Variants in DNAH7 observed in about 807,000 individuals in gnomAD.
DNAH7 encodes the protein axonemal beta dynein heavy chain 7.
A neutral mutation model predicts 444.6 loss-of-function variants in DNAH7; 397 were observed. That is an observed-to-expected ratio of 0.89 (90% CI 0.82 to 0.97). DNAH7 has a LOEUF of 0.97. Ranked by LOEUF, DNAH7 falls within the 50% of genes least tolerant of loss-of-function variation. The pLI is 0.00. For synonymous variants in DNAH7, 1,636 were observed against 1,624.4 expected (o/e 1.01, Z -0.17); for missense variants, 4,902 against 4,800.8 (o/e 1.02, Z -0.62).
At chr2:195,828,701 T>C (rs1697914409) in intron 48 of DNAH7, among the ~76,000 whole-genome samples, 1 of 151,664 alleles carries the variant, frequency 6.6e-6, no homozygotes, top group African/African-American at 2.4e-5. Flanking sequence ...CTTTTTTTCT[T>C]TCGTATTTAA....
intron 38 of DNAH7, 79 bp downstream of exon 38, chr2:195,875,596 G>A (rs1701002385): frequency 1.5e-6 from 2 of 1,365,998 alleles, no homozygotes; most frequent in South Asian, 1.5e-5. Context: ...ACTCAAAAGA[G>A]GATTTTTTTC....
chr2:195,829,534 C>A (rs1271204020), intron 48 of DNAH7, among the ~76,000 whole-genome samples: 1 of 152,000 alleles, frequency 6.6e-6, no homozygotes, highest in African/African-American at 2.4e-5. Context: ...TTTGCTCAAC[C>A]ATTTTGAACC....
In DNAH7 at chr2:195,972,254, T is replaced by C. The variant is rs184493933; in HGVS notation, c.2046A>G (p.Gln682=). The change falls in exon 16 of 65, where the codon CAA becomes CAG. Residue 682 remains glutamine (Q), a synonymous_variant. Transcript: ENST00000312428. ...KIIKEKIEQY[Q]EGLKLRCERF... ...CTAAGATGCCAACCTTCAGACCTTC[T>C]TGATATTGTTCTATTTTCTCTTTAA... The C allele has an allele frequency of 2.2e-3, 3,525 of 1,613,432 alleles. 5 individuals carry two copies. The highest frequency in any genetic ancestry group is 2.7e-3 in the Non-Finnish European group (3,235 of 1,179,448).
chr2:195,886,043 C>T (rs978041352), intron 34 of DNAH7, 98 bp downstream of exon 34: 1 of 1,417,484 alleles, frequency 7.1e-7, no homozygotes, highest in East Asian at 2.4e-5. Context: ...TAGTCTCCAA[C>T]TTCAGGGGCA....
At chr2:195,838,234 C>CA (rs900565803) in intron 47 of DNAH7, among the ~76,000 whole-genome samples, 6 of 151,924 alleles carry the variant, frequency 3.9e-5, no homozygotes, top group African/African-American at 1.5e-4. Context: ...ACTGCTAAAC[C>CA]AAAAAATCAA....
At chr2:195,938,204 A>C (rs1689179722) in intron 19 of DNAH7, among the ~76,000 whole-genome samples, 1 of 152,114 alleles carries the variant, frequency 6.6e-6, no homozygotes, top group Non-Finnish European at 1.5e-5. Context: ...AATCAAAGAA[A>C]ATAATTATCA....
Position 195,817,733 on chromosome 2 carries a change from T to C in DNAH7, c.9388A>G (p.Lys3130Glu), listed in dbSNP as rs777644560. The part of the protein sequence containing the change: ...AQERPDLEEE[K>E]QALILQGAEN... ...GCTCCTTGTAATATCAAGGCTTGCT[T>C]TTCTTCTTCAAGGTCTGGCCTTTCT... is the stretch of plus-strand genomic sequence containing the variant. Residue 3130 changes from lysine to glutamate, a missense_variant, in exon 50 of 65, where the codon AAG (lysine) becomes GAG (glutamate). Transcript: ENST00000312428. 7 of 1,613,066 alleles carry C rather than the reference T, an allele frequency of 4.3e-6. No homozygotes were observed. The South Asian group carries it at 5.5e-5, about 13-fold the overall frequency.
At chr2:196,048,195 T>C in intron 4 of DNAH7, 101 bp downstream of exon 4, 1 of 1,007,976 alleles carries the variant, frequency 9.9e-7, no homozygotes, top group South Asian at 2.3e-5. Context: ...GACATTAATG[T>C]CATTCAGGTT....
chr2:195,997,254 T>TTTA (rs1464629660), intron 12 of DNAH7, among the ~76,000 whole-genome samples: 1 of 152,202 alleles, frequency 6.6e-6, no homozygotes, highest in Non-Finnish European at 1.5e-5. Context: ...GGCTCATGCC[T>TTTA]GTAATCCCAG....
intron 19 of DNAH7, among the ~76,000 whole-genome samples, chr2:195,952,959 C>T (rs1690368855): frequency 6.6e-6 from 1 of 152,110 alleles, no homozygotes; most frequent in African/African-American, 2.4e-5. Flanking sequence ...ATTCTCGGTC[C>T]AGTGTTGTTC....
intron 5 of DNAH7, among the ~76,000 whole-genome samples, chr2:196,028,852 A>G (rs1247508777): frequency 6.6e-6 from 1 of 152,208 alleles, no homozygotes; most frequent in Admixed American, 6.5e-5. Context: ...TTCATTGAGT[A>G]TATCTGAGAT....
At chr2:195,961,588 C>T (rs1307746948) in intron 17 of DNAH7, among the ~76,000 whole-genome samples, 1 of 152,176 alleles carries the variant, frequency 6.6e-6, no homozygotes, top group East Asian at 1.9e-4. Context: ...TTTATTCCCC[C>T]TCTAAGGCTG....
intron 56 of DNAH7, among the ~76,000 whole-genome samples, chr2:195,796,037 T>C (rs934689378): frequency 6.6e-6 from 1 of 152,162 alleles, no homozygotes; most frequent in Non-Finnish European, 1.5e-5. Flanking sequence ...GGAGTTTTTT[T>C]CCTGGAATTT....
chr2:195,857,403 C>T lies in DNAH7; in HGVS notation c.8388G>A (p.Trp2796Ter). Residue 2796 changes from tryptophan (W) to a stop codon, truncating the protein, a stop_gained, in exon 44 of 65, where the codon TGG becomes TGA. Coordinates refer to ENST00000312428, the MANE Select transcript of DNAH7 (RefSeq NM_018897.3). LOFTEE classifies it high-confidence loss of function. The stretch of plus-strand genomic sequence containing the variant: ...TATCATATGAATCCATTGCTATGAC[C>T]CATTTGCACAGACCTTCGGCCGCTG... ...ASTAAEGLCK[W>*]VIAMDSYDKV... The T allele has an allele frequency of 6.3e-7, 1 of 1,596,762 alleles. No individual in the cohort carries two copies. Among genetic ancestry groups the T allele is most frequent in the Non-Finnish European group, 8.5e-7 (1 of 1,173,954 alleles).
rs111410290 is a variant in DNAH7, at chr2:195,764,796, A to C, written c.11433+6864T>G. 2.4e-3 allele frequency among the ~76,000 whole-genome samples: 367 copies of C among 152,164 alleles called. 1 individual carries two copies. Among genetic ancestry groups the C allele is most frequent in the African/African-American group, 8.2e-3 (342 of 41,538 alleles). On this transcript the variant is annotated intron_variant, in intron 61 of 64. Coordinates refer to ENST00000312428, the MANE Select transcript of DNAH7 (RefSeq NM_018897.3). ...GATTGGAAGAATCAATATTGTTAAA[A>C]TGTCCATCCTACCAAAAGCAGTCTA...
At chr2:195,766,369 T>A (rs1694590590) in intron 61 of DNAH7, among the ~76,000 whole-genome samples, 1 of 151,786 alleles carries the variant, frequency 6.6e-6, no homozygotes, top group African/African-American at 2.4e-5. Flanking sequence ...GGTTTCGCCC[T>A]GTTGGCCAGG....
In DNAH7 at chr2:195,858,696, T is replaced by A; in HGVS notation, c.7845A>T (p.Gln2615His). Residue 2615 changes from glutamine to histidine, a missense_variant, in exon 43 of 65, where the codon CAA becomes CAT. Coordinates refer to ENST00000312428, the MANE Select transcript of DNAH7 (RefSeq NM_018897.3). ...CAACCTCTTTGCTAGCAACTTTTAATTGAGGATGTAGTGCCTCCAACTCCA... is the reference window on the plus strand; with the variant it reads ...CAACCTCTTTGCTAGCAACTTTTAAATGAGGATGTAGTGCCTCCAACTCCA... ...MQMELEALHPQLKVASKEVDE... is the reference protein window; with the variant it reads ...MQMELEALHPHLKVASKEVDE... 1 of 1,614,106 alleles carries A rather than the reference T, an allele frequency of 6.2e-7. No homozygotes were observed.
chr2:195,858,785 T>C lies in DNAH7; in HGVS notation c.7756A>G (p.Lys2586Glu). ...TTCTCCAAACCCACTTCATATCTCT[T>C]TTTCATTTTCATTACTTCACTGGAA... Reference protein sequence around the residue: ...KKRSEVMKMKKRYEVGLEKLD... With the variant: ...KKRSEVMKMKERYEVGLEKLD... Residue 2586 changes from lysine (K) to glutamate (E), a missense_variant, in exon 43 of 65, where the codon AAG becomes GAG. Physicochemically the swap from Lys to Glu is moderately conservative, Grantham distance 56. Transcript: ENST00000312428. The C allele has an allele frequency of 6.2e-7, 1 of 1,607,094 alleles. No individual in the cohort carries two copies. The highest frequency in any genetic ancestry group is 8.5e-7 in the Non-Finnish European group (1 of 1,176,828).
At chr2:196,050,442 G>A (rs1478190996) in intron 3 of DNAH7, among the ~76,000 whole-genome samples, 1 of 152,144 alleles carries the variant, frequency 6.6e-6, no homozygotes, top group Non-Finnish European at 1.5e-5. Flanking sequence ...ACAACAATGT[G>A]AATGTACTGA....
Sources: gnomAD v4.1 joint callset for allele counts (sites outside exome capture counted in the v4.1 genomes callset) on GRCh38, gnomAD v4.1.1 for gene constraint, MANE v1.5 for transcripts, NCBI Gene and HGNC (gene_info 2026-07-23, HGNC 2026-07-21) for gene names.